The following KHDRBS2 variants were observed in gnomAD, a reference collection of about 807,000 sequenced individuals.
KHDRBS2 encodes the protein KH RNA binding domain containing, signal transduction associated 2.
A neutral mutation model predicts 44.3 loss-of-function variants in KHDRBS2; 26 were observed. The observed-to-expected ratio is 0.59, with a 90% CI of 0.43 to 0.81. The LOEUF (loss-of-function observed/expected upper bound fraction) is 0.81. Among genes scored for constraint, KHDRBS2 ranks in the 40% least tolerant of loss-of-function variants. The probability of loss-of-function intolerance (pLI) is 0.00; values close to 1 mark genes in which losing one functional copy is unlikely to be tolerated. For missense variants in KHDRBS2, 476 were observed against 433.1 expected (o/e 1.10, Z -0.88); for synonymous variants, 194 against 151.1 (o/e 1.28, Z -2.08).
At chr6:62,191,179 A>G (rs1178065895) in intron 1 of KHDRBS2, among the ~76,000 whole-genome samples, 29 of 152,136 alleles carry the variant, frequency 1.9e-4, no homozygotes, top group Non-Finnish European at 3.2e-4. Flanking sequence ...CTCACTGTTG[A>G]AGGTTAAATT....
intron 8 of KHDRBS2, among the ~76,000 whole-genome samples, chr6:61,696,333 G>A (rs1447458159): frequency 6.6e-6 from 1 of 151,932 alleles, no homozygotes; most frequent in African/African-American, 2.4e-5. Flanking sequence ...TCGGCTCACT[G>A]CAACCTCCAA....
the KHDRBS2 span, among the ~76,000 whole-genome samples, chr6:61,574,094 A>T: frequency 6.6e-6 from 1 of 152,178 alleles, no homozygotes; most frequent in African/African-American, 2.4e-5. Context: ...ATGTAAAAAA[A>T]TGAAACTGTA....
the KHDRBS2 span, among the ~76,000 whole-genome samples, chr6:61,549,891 T>C: frequency 6.6e-6 from 1 of 152,202 alleles, no homozygotes; most frequent in Non-Finnish European, 1.5e-5. Context: ...AATGATTCTT[T>C]TTGGTCATTT....
At chr6:62,093,629 C>G (rs1033116909) in intron 2 of KHDRBS2, among the ~76,000 whole-genome samples, 1 of 151,922 alleles carries the variant, frequency 6.6e-6, no homozygotes. Flanking sequence ...GGCTTGTTGA[C>G]CAATCTCTCA....
At chr6:61,572,024 A>G in the KHDRBS2 span, among the ~76,000 whole-genome samples, 1 of 152,158 alleles carries the variant, frequency 6.6e-6, no homozygotes, top group East Asian at 1.9e-4. Flanking sequence ...TAAATGAAAT[A>G]AAAAGCTGGT....
chr6:62,240,975 T>C (rs1458948861), intron 1 of KHDRBS2, among the ~76,000 whole-genome samples: 1 of 151,944 alleles, frequency 6.6e-6, no homozygotes, highest in Non-Finnish European at 1.5e-5. Flanking sequence ...ACTTCACTCA[T>C]TTCCAAAGAT....
At chr6:62,072,263 G>C (rs1182994183) in intron 2 of KHDRBS2, among the ~76,000 whole-genome samples, 1 of 152,120 alleles carries the variant, frequency 6.6e-6, no homozygotes, top group Admixed American at 6.6e-5. Flanking sequence ...GGGTTTTCTA[G>C]ATATACAATC....
chr6:61,941,768 CT>C (rs1812173935), intron 4 of KHDRBS2, among the ~76,000 whole-genome samples: 2 of 152,224 alleles, frequency 1.3e-5, no homozygotes, highest in South Asian at 4.1e-4. Flanking sequence ...AAAAAGTGTT[CT>C]GCTATTAAAG....
chr6:62,134,003 T>A (rs1385839701), intron 2 of KHDRBS2, among the ~76,000 whole-genome samples: 1 of 152,082 alleles, frequency 6.6e-6, no homozygotes, highest in Admixed American at 6.5e-5. Flanking sequence ...AGCCTGATGA[T>A]GCAACAGAAA....
chr6:62,210,569 G>GA (rs1489340830), intron 1 of KHDRBS2, among the ~76,000 whole-genome samples: 1 of 151,980 alleles, frequency 6.6e-6, no homozygotes, highest in Non-Finnish European at 1.5e-5. Flanking sequence ...GACCTCAGGT[G>GA]ATCCGCCCTC....
chr6:61,724,345 C>T (rs1249184732), intron 7 of KHDRBS2, among the ~76,000 whole-genome samples: 1 of 152,058 alleles, frequency 6.6e-6, no homozygotes, highest in Non-Finnish European at 1.5e-5. Flanking sequence ...AAAACCATTA[C>T]CAGCCACTGT....
intron 6 of KHDRBS2, among the ~76,000 whole-genome samples, chr6:61,794,225 T>C (rs778306773): frequency 3.3e-5 from 5 of 152,144 alleles, no homozygotes; most frequent in Admixed American, 6.6e-5. Flanking sequence ...ATGATCTCAT[T>C]TGATTTTCAC....
At chr6:61,554,006 T>G in the KHDRBS2 span, among the ~76,000 whole-genome samples, 2 of 152,192 alleles carry the variant, frequency 1.3e-5, no homozygotes, top group Non-Finnish European at 2.9e-5. Flanking sequence ...TTTGTAGATG[T>G]CTCTTAGGTC....
chr6:61,969,424 C>T (rs1185581387), intron 4 of KHDRBS2, among the ~76,000 whole-genome samples: 1 of 152,008 alleles, frequency 6.6e-6, no homozygotes, highest in Non-Finnish European at 1.5e-5. Flanking sequence ...AACAATGTGT[C>T]TGGTCTAAAA....
chr6:61,743,956 A>C (rs1428463507), intron 6 of KHDRBS2, among the ~76,000 whole-genome samples: 2 of 152,032 alleles, frequency 1.3e-5, no homozygotes, highest in Non-Finnish European at 2.9e-5. Context: ...AAAGGACATG[A>C]ACTCACCATT....
intron 6 of KHDRBS2, among the ~76,000 whole-genome samples, chr6:61,806,187 A>C (rs1787128968): frequency 6.6e-6 from 1 of 152,142 alleles, no homozygotes; most frequent in South Asian, 2.1e-4. Flanking sequence ...TCTGGGACGA[A>C]GCTGGAAATG....
chr6:62,097,905 G>A (rs906409936), intron 2 of KHDRBS2, among the ~76,000 whole-genome samples: 1 of 151,496 alleles, frequency 6.6e-6, no homozygotes, highest in Non-Finnish European at 1.5e-5. Context: ...TTTTTGCTTT[G>A]TGGTTATCAT....
At chr6:61,659,215 T>C in the KHDRBS2 span, 1 of 151,850 alleles carries the variant, frequency 6.6e-6, no homozygotes, top group Non-Finnish European at 1.5e-5. Context: ...ATGCCCTTAT[T>C]AAGCACTCAA....
At chr6:62,075,068 C>T (rs1214778120) in intron 2 of KHDRBS2, among the ~76,000 whole-genome samples, 2 of 151,936 alleles carry the variant, frequency 1.3e-5, no homozygotes, top group East Asian at 1.9e-4. Flanking sequence ...GTAACACTTA[C>T]ATTTTGTAAA....
Sources: gnomAD v4.1 joint callset for allele counts (sites outside exome capture counted in the v4.1 genomes callset) on GRCh38, gnomAD v4.1.1 for gene constraint, MANE v1.5 for transcripts, NCBI Gene and HGNC (gene_info 2026-07-23, HGNC 2026-07-21) for gene names.